Variants in CACNA2D4 observed in about 807,000 individuals in gnomAD.
The protein encoded by CACNA2D4 is voltage-dependent calcium channel subunit alpha-2/delta-4.
CACNA2D4 carries 157 observed loss-of-function variants against 163.8 expected under a neutral mutation model. The ratio of observed to expected loss-of-function variants is 0.96; its 90% CI spans 0.84 to 1.09. The LOEUF is 1.09. Among genes scored for constraint, CACNA2D4 ranks in the 50% least tolerant of loss-of-function variants. CACNA2D4 has a pLI of 0.00. For missense variants in CACNA2D4, 1,410 were observed against 1,479.9 expected (o/e 0.95, Z 0.78); for synonymous variants, 598 against 586.9 (o/e 1.02, Z -0.27).
At chr12:1,904,986 A>G (rs1866622218) in intron 6 of CACNA2D4, among the ~76,000 whole-genome samples, 1 of 152,102 alleles carries the variant, frequency 6.6e-6, no homozygotes, top group East Asian at 1.9e-4. Flanking sequence ...CTAGCAAGCA[A>G]ATCTCAGGAG....
At chr12:1,794,396 GTGTC>G (rs1214103623) in intron 37 of CACNA2D4, among the ~76,000 whole-genome samples, 1 of 152,156 alleles carries the variant, frequency 6.6e-6, no homozygotes, top group East Asian at 1.9e-4. Context: ...CACCAACTGG[GTGTC>G]TGTCCTGAAA....
intron 18 of CACNA2D4, among the ~76,000 whole-genome samples, chr12:1,873,842 C>A (rs1040210482): frequency 6.6e-6 from 1 of 152,234 alleles, no homozygotes; most frequent in Non-Finnish European, 1.5e-5. Flanking sequence ...GAAAATCAGT[C>A]TGGCCTAAAA....
chr12:1,912,971 C>T, intron 3 of CACNA2D4, 52 bp downstream of exon 3: 2 of 1,182,692 alleles, frequency 1.7e-6, no homozygotes, highest in Non-Finnish European at 2.5e-6. Flanking sequence ...ACTCTGCCAC[C>T]TGCGTCATGG....
chr12:1,859,188 T>A (rs1335922233), intron 19 of CACNA2D4, among the ~76,000 whole-genome samples: 1 of 150,130 alleles, frequency 6.7e-6, no homozygotes, highest in Non-Finnish European at 1.5e-5. Flanking sequence ...AGCTCTAAAA[T>A]TTTTTTTTTA....
At chr12:1,817,695 G>A (rs546522395) in intron 26 of CACNA2D4, among the ~76,000 whole-genome samples, 1,582 of 152,046 alleles carry the variant, frequency 0.01, 36 homozygotes, top group African/African-American at 0.037. Context: ...TGTGTTGGCC[G>A]GGCTGGTCTC....
Position 1,801,072 on chromosome 12 carries a change from G to T in CACNA2D4, c.2839C>A (p.His947Asn), listed in dbSNP as rs776049208. The change falls in exon 31 of 38, where the codon CAC becomes AAC. Residue 947 changes from histidine (H) to asparagine (N), a missense_variant. Transcript: ENST00000382722. Reference sequence around the variant, plus strand: ...ACCAGGGGCTGGGCTGCACTGTGGTGGTGACTCGAGGGTTTGCACATGGCC... The same window carrying T: ...ACCAGGGGCTGGGCTGCACTGTGGTTGTGACTCGAGGGTTTGCACATGGCC... ...YQAMCKPSSH[H>N]HSAAQPLVSP... 1 of 1,613,600 alleles carries T rather than the reference G, an allele frequency of 6.2e-7. No individual in the cohort carries two copies. The highest frequency in any genetic ancestry group is 8.5e-7 in the Non-Finnish European group (1 of 1,179,866).
chr12:1,844,280 C>T lies in CACNA2D4; in HGVS notation c.2470+122G>A. 1.6e-6 allele frequency: 2 copies of T among 1,214,534 alleles called. No individual in the cohort carries two copies. The highest frequency in any genetic ancestry group is 2.6e-5 in the East Asian group (1 of 38,712). 75.2% of individuals were successfully genotyped at this position (1,214,534 alleles called of 1,614,324 possible). A position where few individuals can be genotyped will look rare whatever the true frequency, so the allele number is the denominator to read the frequency against. ...GCAGGAGGGAAGGCAGGAGGGGAAC[C>T]CTGGTGGTCTGGACATTCTATTCCA... On this transcript the variant is annotated intron_variant, in intron 25 of 37. Transcript: ENST00000382722. This position sits in a 1 kb window ranked among gnomAD's most constrained non-coding sequence, Gnocchi z 4.2.
intron 26 of CACNA2D4, among the ~76,000 whole-genome samples, chr12:1,817,507 C>G (rs1863916072): frequency 6.6e-6 from 1 of 152,198 alleles, no homozygotes; most frequent in Non-Finnish European, 1.5e-5. Flanking sequence ...CTCTCCCTCT[C>G]TTTCCCCGGT....
chr12:1,795,333 C>G lies in CACNA2D4; in HGVS notation c.3275G>C (p.Arg1092Pro), dbSNP rs768659838. 6 of 1,612,834 alleles carry G rather than the reference C, an allele frequency of 3.7e-6. No homozygotes were observed. The highest frequency in any genetic ancestry group is 5.1e-6 in the Non-Finnish European group (6 of 1,179,860). ...CDRMRSQKLR[R>P]RPDSCHAFHP... ...GAAGGCGTGGCAGGAGTCTGGTCGC[C>G]GGCGGAGCTTCTGGGAGCGCATCCG... The change falls in exon 37 of 38, where the codon CGG becomes CCG. Residue 1092 changes from arginine (R) to proline (P), a missense_variant. Transcript: ENST00000382722.
intron 20 of CACNA2D4, among the ~76,000 whole-genome samples, chr12:1,856,886 G>A (rs1470480606): frequency 6.6e-6 from 1 of 152,192 alleles, no homozygotes; most frequent in Non-Finnish European, 1.5e-5. Flanking sequence ...AAGGCCAGTG[G>A]GGCATCTGTG....
At position 1,912,968 on chromosome 12, in the gene CACNA2D4, C is replaced by CA. The variant is rs1866869170; in HGVS notation, c.426+54dup. The CA allele has an allele frequency of 2.6e-6, 3 of 1,134,934 alleles. No homozygotes were observed. The South Asian group carries it at 3.8e-5, about 15-fold the overall frequency. The allele number at this position is 1,134,934 out of a possible 1,614,324, so 70.3% of individuals were successfully genotyped here. A position where few individuals can be genotyped will look rare whatever the true frequency, so the allele number is the denominator to read the frequency against. ...CATGACATCGGGAGGGTCACTCTGC[C>CA]ACCTGCGTCATGGGGCTGGGGAGAA... On this transcript the variant is annotated intron_variant, in intron 3 of 37. Coordinates refer to ENST00000382722, the MANE Select transcript of CACNA2D4 (RefSeq NM_172364.5).
rs557606462 is a variant in CACNA2D4, at chr12:1,812,386, T to A, written c.2552-663A>T. On this transcript the variant is annotated intron_variant, in intron 26 of 37. Transcript: ENST00000382722. ...ACAAGGGCCACCCCTGACTTTCTGG[T>A]TCCCAAATAGGCTTGGAGAACCCAA... Among the ~76,000 whole-genome samples, 14 of 152,330 alleles carry A rather than the reference T, an allele frequency of 9.2e-5. No homozygotes were observed. The South Asian group carries it at 2.3e-3, about 25-fold the overall frequency.
intron 28 of CACNA2D4, 23 bp from the exon 29 acceptor site, chr12:1,810,363 G>A (rs571566788): frequency 2.0e-5 from 32 of 1,610,400 alleles, no homozygotes; most frequent in Non-Finnish European, 2.7e-5. Context: ...CCAGAAGGGA[G>A]GTTATGCCAG....
chr12:1,797,367 C>T (rs912194861), intron 35 of CACNA2D4, 51 bp downstream of exon 35: 4 of 1,357,554 alleles, frequency 2.9e-6, no homozygotes, highest in Non-Finnish European at 3.0e-6. Context: ...TCCGCCTTGC[C>T]GAGGGCGGGA....
At position 1,869,408 on chromosome 12, in the gene CACNA2D4, C is replaced by A. The variant is rs1213079310; in HGVS notation, c.1878+5196G>T. Among the ~76,000 whole-genome samples, 1 of 152,258 alleles carries A rather than the reference C, an allele frequency of 6.6e-6. No homozygotes were observed. Among genetic ancestry groups the A allele is most frequent in the Non-Finnish European group, 1.5e-5 (1 of 68,044 alleles). On this transcript the variant is annotated intron_variant, in intron 18 of 37. Transcript: ENST00000382722. The surrounding 1 kb of genome is among the most constrained non-coding windows in gnomAD (Gnocchi z 4.7). ...CCCGCTGCTGCTGGCTCTCCTCCTTCAGTTTCCCTGAGACCTAACCTGGTG... is the reference window on the plus strand; with the variant it reads ...CCCGCTGCTGCTGGCTCTCCTCCTTAAGTTTCCCTGAGACCTAACCTGGTG...
chr12:1,886,926 C>G, intron 7 of CACNA2D4, 83 bp downstream of exon 7: 1 of 917,932 alleles, frequency 1.1e-6, no homozygotes. Context: ...GGGGAAGGGG[C>G]GGAAGTGGAG....
intron 18 of CACNA2D4, among the ~76,000 whole-genome samples, chr12:1,864,787 G>T (rs1353538163): frequency 6.6e-6 from 1 of 152,260 alleles, no homozygotes; most frequent in East Asian, 1.9e-4. Context: ...CCGCGGACAC[G>T]CTCCGCTCCG....
chr12:1,800,074 C>G, intron 32 of CACNA2D4, 22 bp from the exon 33 acceptor site: 1 of 1,585,658 alleles, frequency 6.3e-7, no homozygotes, highest in Non-Finnish European at 8.6e-7. Flanking sequence ...AGGACTGAAT[C>G]TCGGAGACCT....
At chr12:1,911,508 C>T (rs1866817492) in intron 3 of CACNA2D4, among the ~76,000 whole-genome samples, 1 of 152,026 alleles carries the variant, frequency 6.6e-6, no homozygotes, top group African/African-American at 2.4e-5. Context: ...TGCCTCCCCA[C>T]TCTCAGCCTA....
Sources: gnomAD v4.1 joint callset for allele counts (sites outside exome capture counted in the v4.1 genomes callset) on GRCh38, gnomAD v4.1.1 for gene constraint, Gnocchi (gnomAD v3.1) non-coding constraint, MANE v1.5 for transcripts, NCBI Gene and HGNC (gene_info 2026-07-23, HGNC 2026-07-21) for gene names.